TNIK: variants seen among roughly 807,000 people sequenced by gnomAD.
The protein encoded by TNIK is TRAF2 and NCK interacting kinase.
TNIK carries 49 observed loss-of-function variants against 191.3 expected under a neutral mutation model. The ratio of observed to expected loss-of-function variants is 0.26; its 90% CI spans 0.20 to 0.32. The LOEUF (loss-of-function observed/expected upper bound fraction) is 0.32, where lower values mean the gene tolerates loss of function less well. TNIK is among the 10% of genes least tolerant of loss of function. The probability of loss-of-function intolerance (pLI) is 1.00; values close to 1 mark genes in which losing one functional copy is unlikely to be tolerated. For missense variants in TNIK, 1,155 were observed against 1,702.3 expected (o/e 0.68, Z 5.66); for synonymous variants, 594 against 600.9 (o/e 0.99, Z 0.17).
rs187064634 is a variant in TNIK, at chr3:171,214,467, A to T, written c.181-3226T>A. Among the ~76,000 whole-genome samples, 973 of 152,300 alleles carry T rather than the reference A, an allele frequency of 6.4e-3. 10 individuals are homozygous for T. The highest frequency in any genetic ancestry group is 0.022 in the African/African-American group (918 of 41,562). ...AGAATTGCCACTGAATGTGGCAAAAAGTAGGAGACAATTTATCATAAAGGA... is the reference window on the plus strand; with the variant it reads ...AGAATTGCCACTGAATGTGGCAAAATGTAGGAGACAATTTATCATAAAGGA... On this transcript the variant is annotated intron_variant, in intron 3 of 32. Coordinates refer to ENST00000436636, the MANE Select transcript of TNIK (RefSeq NM_015028.4).
chr3:171,107,627 C>T (rs1246384008), intron 20 of TNIK, among the ~76,000 whole-genome samples: 3 of 152,006 alleles, frequency 2.0e-5, no homozygotes, highest in African/African-American at 4.8e-5. Context: ...AAGTTTGGTC[C>T]AGAAAATATA....
At chr3:171,384,632 A>C (rs1484844932) in intron 1 of TNIK, among the ~76,000 whole-genome samples, 1 of 152,228 alleles carries the variant, frequency 6.6e-6, no homozygotes, top group Non-Finnish European at 1.5e-5. Context: ...AAATGACTAC[A>C]CTTTATATCC....
At chr3:171,358,320 G>A (rs367579243) in intron 2 of TNIK, among the ~76,000 whole-genome samples, 1 of 152,154 alleles carries the variant, frequency 6.6e-6, no homozygotes, top group African/African-American at 2.4e-5. Context: ...CCACATGGCC[G>A]GGGAAGCCTC....
intron 30 of TNIK, among the ~76,000 whole-genome samples, chr3:171,068,345 C>G (rs1718730974): frequency 6.6e-6 from 1 of 152,184 alleles, no homozygotes; most frequent in South Asian, 2.1e-4. Context: ...AGGCTGCCTA[C>G]TGTGTCCATT....
chr3:171,088,040 G>T (rs1721590500), intron 23 of TNIK, among the ~76,000 whole-genome samples: 1 of 152,176 alleles, frequency 6.6e-6, no homozygotes, highest in Non-Finnish European at 1.5e-5. Flanking sequence ...TGATTAATCA[G>T]ATCTGACAGG....
chr3:171,078,626 T>G (rs1169832927), intron 28 of TNIK, among the ~76,000 whole-genome samples: 1 of 152,210 alleles, frequency 6.6e-6, no homozygotes, highest in Non-Finnish European at 1.5e-5. Flanking sequence ...CTAACGTCCT[T>G]TCTTTCTGTT....
chr3:171,365,589 A>G lies in TNIK; in HGVS notation c.123+4031T>C, dbSNP rs1209808450. 7.9e-5 allele frequency among the ~76,000 whole-genome samples: 12 copies of G among 152,362 alleles called. No individual in the cohort carries two copies. In the East Asian group the frequency reaches 2.3e-3, roughly 29 times the overall value. On this transcript the variant is annotated intron_variant, in intron 2 of 32. Coordinates refer to ENST00000436636, the MANE Select transcript of TNIK (RefSeq NM_015028.4). Reference sequence around the variant, plus strand: ...AAACATTTTAAGAAGGCAGGATCTCAGCACAATGTGATAACATTCAAAGGA... The same window carrying G: ...AAACATTTTAAGAAGGCAGGATCTCGGCACAATGTGATAACATTCAAAGGA...
chr3:171,179,347 T>A (rs1475168744), intron 7 of TNIK, among the ~76,000 whole-genome samples: 1 of 151,978 alleles, frequency 6.6e-6, no homozygotes, highest in Non-Finnish European at 1.5e-5. Context: ...CTTAGTGAGG[T>A]TATTTCCGGA....
rs371391778 is a variant in TNIK, at chr3:171,386,389, T to A, written c.58-16704A>T. On this transcript the variant is annotated intron_variant, in intron 1 of 32. Transcript: ENST00000436636. ...GGTGTTCGTGGTGTTTTTTAATATG[T>A]TAAATTAAACATGAATAAGTTTGTA... Among the ~76,000 whole-genome samples the A allele has an allele frequency of 2.6e-5, 4 of 152,292 alleles. No homozygotes were observed. In the East Asian group the frequency reaches 7.7e-4, roughly 29 times the overall value.
At chr3:171,193,409 G>T (rs1003073109) in intron 5 of TNIK, among the ~76,000 whole-genome samples, 3 of 152,174 alleles carry the variant, frequency 2.0e-5, no homozygotes, top group African/African-American at 7.2e-5. Flanking sequence ...GGGTAGAAAT[G>T]ATGTCTTTAG....
Position 171,125,953 on chromosome 3 carries a change from G to C in TNIK, c.1972C>G (p.Arg658Gly). The change falls in exon 17 of 33, where the codon CGA becomes GGA. Residue 658 changes from arginine to glycine, a missense_variant. Arg to Gly is a moderately radical substitution (Grantham distance 125). Coordinates refer to ENST00000436636, the MANE Select transcript of TNIK (RefSeq NM_015028.4). ...TCTTCCTGTCGTAACCAAGAGCTTC[G>C]GTCAAACTTTTCAATGCGAGTGGGG... ...PLPTRIEKFD[R>G]SSWLRQEEDI... The C allele has an allele frequency of 1.9e-6, 3 of 1,613,886 alleles. No individual in the cohort carries two copies. Among genetic ancestry groups the C allele is most frequent in the South Asian group, 2.2e-5 (2 of 91,054 alleles).
intron 15 of TNIK, among the ~76,000 whole-genome samples, chr3:171,135,786 A>C (rs544221782): frequency 1.5e-4 from 23 of 152,274 alleles, no homozygotes; most frequent in Non-Finnish European, 2.9e-4. Flanking sequence ...TTGCATGCTC[A>C]AATGCTGTGT....
chr3:171,246,174 AT>A (rs1425570436), intron 2 of TNIK, among the ~76,000 whole-genome samples: 3 of 152,184 alleles, frequency 2.0e-5, no homozygotes, highest in Non-Finnish European at 4.4e-5. Flanking sequence ...TCCCAAAGCC[AT>A]TCTCAAGTCA....
intron 2 of TNIK, among the ~76,000 whole-genome samples, chr3:171,358,422 C>T (rs1244998441): frequency 6.6e-6 from 1 of 152,140 alleles, no homozygotes; most frequent in African/African-American, 2.4e-5. Flanking sequence ...CTTTATAAAA[C>T]CATCAGGTCT....
chr3:171,395,545 G>T (rs942458759), intron 1 of TNIK, among the ~76,000 whole-genome samples: 2 of 152,120 alleles, frequency 1.3e-5, no homozygotes, highest in African/African-American at 4.8e-5. Flanking sequence ...CACTCAAGAA[G>T]TACTAGGAAA....
intron 2 of TNIK, among the ~76,000 whole-genome samples, chr3:171,260,948 A>G (rs973404453): frequency 1.3e-5 from 2 of 152,228 alleles, no homozygotes; most frequent in Admixed American, 6.5e-5. Context: ...ATATTTTCCT[A>G]AAGTTTCTCT....
At chr3:171,452,729 AAC>A (rs10602125) in intron 1 of TNIK, among the ~76,000 whole-genome samples, 33,965 of 142,272 alleles carry the variant, frequency 0.24, 4,379 homozygotes, top group East Asian at 0.53. Context: ...ACACACTCCA[AAC>A]ACACACACAC....
chr3:171,369,112 C>G (rs753035028), intron 2 of TNIK, among the ~76,000 whole-genome samples: 12 of 152,130 alleles, frequency 7.9e-5, no homozygotes, highest in African/African-American at 2.2e-4. Context: ...AGTCTCAACT[C>G]AAGTTTAACT....
At chr3:171,133,817 T>C (rs1729629329) in intron 15 of TNIK, among the ~76,000 whole-genome samples, 1 of 152,202 alleles carries the variant, frequency 6.6e-6, no homozygotes, top group Non-Finnish European at 1.5e-5. Context: ...GAAGGAGTTT[T>C]TATACACAGT....
Sources: allele counts gnomAD v4.1 joint callset (sites outside exome capture counted in the v4.1 genomes callset), GRCh38; gene constraint gnomAD v4.1.1; transcripts MANE v1.5; gene names NCBI Gene and HGNC (gene_info 2026-07-23, HGNC 2026-07-21).